The following TMEM117 variants were observed in gnomAD, a reference collection of about 807,000 sequenced individuals.
The protein encoded by TMEM117 is transmembrane protein 117.
In TMEM117, 27 loss-of-function variants were observed where a neutral mutation model predicts 52.4. That is an observed-to-expected ratio of 0.51 (90% CI 0.38 to 0.71). The LOEUF is 0.71. Ranked by LOEUF, TMEM117 falls within the 30% of genes least tolerant of loss-of-function variation. The probability of loss-of-function intolerance (pLI) is 0.00; values close to 1 mark genes in which losing one functional copy is unlikely to be tolerated. For missense variants in TMEM117, 556 were observed against 630.5 expected, an observed-to-expected ratio of 0.88 and a Z score of 1.26; for synonymous variants, 215 against 206.3, an observed-to-expected ratio of 1.04 and a Z score of -0.36.
chr12:44,259,591 C>T (rs1272624341), intron 5 of TMEM117, among the ~76,000 whole-genome samples: 2 of 152,026 alleles, frequency 1.3e-5, no homozygotes, highest in East Asian at 1.9e-4. Flanking sequence ...CAAGACTTCT[C>T]CAACCTTAGT....
chr12:43,885,366 C>T (rs1435670534), intron 2 of TMEM117, among the ~76,000 whole-genome samples: 1 of 150,010 alleles, frequency 6.7e-6, no homozygotes, highest in Non-Finnish European at 1.5e-5. Flanking sequence ...GACTTGTTCT[C>T]TTGCTTTCAT....
In TMEM117 at chr12:44,376,603, A is replaced by T; in HGVS notation, c.777A>T (p.Glu259Asp). Residue 259 changes from glutamate to aspartate, a missense_variant, in exon 7 of 8, where the codon GAA becomes GAT. Physicochemically the swap from Glu to Asp is conservative, Grantham distance 45. This residue lies in a region of TMEM117 where 328 missense variants were observed against 371.4 expected (regional missense o/e 0.88). Coordinates refer to ENST00000266534, the MANE Select transcript of TMEM117 (RefSeq NM_032256.3). Reference protein sequence around the residue: ...FDLLIVMQDWEFPHFMGDVDV... With the variant: ...FDLLIVMQDWDFPHFMGDVDV... ...TTGATTTTCTCTGACAGGACTGGGA[A>T]TTCCCACATTTCATGGGAGATGTTG... The T allele has an allele frequency of 6.2e-7, 1 of 1,604,514 alleles. No homozygotes were observed. Among genetic ancestry groups the T allele is most frequent in the South Asian group, 1.1e-5 (1 of 88,784 alleles).
chr12:43,966,399 G>A (rs1241818401), intron 3 of TMEM117, among the ~76,000 whole-genome samples: 1 of 152,060 alleles, frequency 6.6e-6, no homozygotes, highest in African/African-American at 2.4e-5. Context: ...ATTCAAATGA[G>A]GACACCTTTG....
chr12:44,159,295 GA>G (rs1450001687), intron 4 of TMEM117, among the ~76,000 whole-genome samples: 3 of 151,956 alleles, frequency 2.0e-5, no homozygotes, highest in African/African-American at 7.3e-5. Flanking sequence ...CCTTTCCTTT[GA>G]AAAAACATTA....
intron 6 of TMEM117, among the ~76,000 whole-genome samples, chr12:44,360,256 G>C (rs1019737315): frequency 6.6e-6 from 1 of 152,050 alleles, no homozygotes; most frequent in Admixed American, 6.6e-5. Flanking sequence ...GTTGTTACAT[G>C]GTATCATGTA....
rs148083159 is a variant in TMEM117, at chr12:43,837,493, C to T, written c.-29+1297C>T. ...TCCTGAGTAGCTGGGATTACAGGCGCGCGCCACCATGCCTGGCTAATTTTT... is the reference window on the plus strand; with the variant it reads ...TCCTGAGTAGCTGGGATTACAGGCGTGCGCCACCATGCCTGGCTAATTTTT... On this transcript the variant is annotated intron_variant, in intron 1 of 7. Coordinates refer to ENST00000266534, the MANE Select transcript of TMEM117 (RefSeq NM_032256.3). Among the ~76,000 whole-genome samples the T allele has an allele frequency of 7.6e-3, 1,158 of 152,100 alleles. 13 individuals are homozygous for T. The highest frequency in any genetic ancestry group is 0.025 in the African/African-American group (1,054 of 41,502).
At chr12:43,848,411 C>T (rs1014018755) in intron 2 of TMEM117, among the ~76,000 whole-genome samples, 1 of 152,068 alleles carries the variant, frequency 6.6e-6, no homozygotes, top group East Asian at 1.9e-4. Flanking sequence ...GACCTCCCCC[C>T]AGAAATGCAT....
At chr12:44,291,059 T>C (rs535861973) in intron 5 of TMEM117, among the ~76,000 whole-genome samples, 1 of 152,328 alleles carries the variant, frequency 6.6e-6, no homozygotes, top group African/African-American at 2.4e-5. Context: ...AGGGATTACA[T>C]TGAATCTGTA....
chr12:43,956,144 A>G (rs991733954), intron 3 of TMEM117, among the ~76,000 whole-genome samples: 1 of 152,224 alleles, frequency 6.6e-6, no homozygotes, highest in African/African-American at 2.4e-5. Context: ...AATTATCTCA[A>G]GATGGATTAA....
At chr12:43,961,423 T>C (rs1030741078) in intron 3 of TMEM117, among the ~76,000 whole-genome samples, 2 of 152,150 alleles carry the variant, frequency 1.3e-5, no homozygotes, top group African/African-American at 4.8e-5. Flanking sequence ...CTTTAATAAA[T>C]AGGAAAGTCT....
At chr12:44,136,035 A>G (rs1324984888) in intron 3 of TMEM117, among the ~76,000 whole-genome samples, 2 of 152,334 alleles carry the variant, frequency 1.3e-5, no homozygotes, top group African/African-American at 4.8e-5. Flanking sequence ...TTAGCTTACA[A>G]TTCCCTTTTA....
the TMEM117 span, chr12:43,806,147 G>A: frequency 3.3e-6 from 5 of 1,531,664 alleles, no homozygotes; most frequent in Middle Eastern, 2.1e-4. Flanking sequence ...CAGCCCTGCC[G>A]GTCCTGCAGC....
chr12:43,846,395 T>A (rs1397936841), intron 2 of TMEM117, among the ~76,000 whole-genome samples: 1 of 152,188 alleles, frequency 6.6e-6, no homozygotes, highest in Non-Finnish European at 1.5e-5. Flanking sequence ...GAAAATGAAT[T>A]TTTATTACCT....
chr12:44,009,993 T>C, intron 3 of TMEM117: 1 of 321,580 alleles, frequency 3.1e-6, no homozygotes, highest in Admixed American at 3.6e-5. Flanking sequence ...GGTCTGGAAG[T>C]GCCTGTGAGT....
intron 6 of TMEM117, among the ~76,000 whole-genome samples, chr12:44,348,998 AAAC>A (rs1239371744): frequency 1.3e-5 from 2 of 151,982 alleles, no homozygotes; most frequent in African/African-American, 4.8e-5. Flanking sequence ...GAGATAATTA[AAAC>A]AACATGCTTT....
At chr12:44,208,181 C>A (rs1949595455) in intron 4 of TMEM117, among the ~76,000 whole-genome samples, 1 of 152,064 alleles carries the variant, frequency 6.6e-6, no homozygotes, top group East Asian at 1.9e-4. Context: ...GACTTTTAAA[C>A]CTCAAAATGC....
chr12:44,208,379 C>G (rs1415650198), intron 4 of TMEM117, among the ~76,000 whole-genome samples: 2 of 152,080 alleles, frequency 1.3e-5, no homozygotes, highest in African/African-American at 4.8e-5. Context: ...TTTCTCCCAG[C>G]ATAGAAAGAT....
intron 5 of TMEM117, among the ~76,000 whole-genome samples, chr12:44,285,097 G>T (rs547903504): frequency 6.6e-6 from 1 of 152,156 alleles, no homozygotes; most frequent in Non-Finnish European, 1.5e-5. Flanking sequence ...ACGTAGATTA[G>T]GATGCTGGCA....
intron 3 of TMEM117, among the ~76,000 whole-genome samples, chr12:44,056,920 C>A (rs566184487): frequency 3.3e-5 from 5 of 152,142 alleles, no homozygotes; most frequent in African/African-American, 4.8e-5. Flanking sequence ...CAGATGTGAG[C>A]AGGCACCCAC....
Sources: allele counts gnomAD v4.1 joint callset (sites outside exome capture counted in the v4.1 genomes callset), GRCh38; gene constraint gnomAD v4.1.1; regional missense constraint gnomAD v4.1.1; transcripts MANE v1.5; gene names NCBI Gene and HGNC (gene_info 2026-07-23, HGNC 2026-07-21).